SLC24A2: variants seen among roughly 807,000 people sequenced by gnomAD.
SLC24A2 encodes solute carrier family 24 member 2.
SLC24A2 carries 36 observed loss-of-function variants against 62.0 expected under a neutral mutation model. The ratio of observed to expected loss-of-function variants is 0.58; its 90% CI spans 0.44 to 0.77. The LOEUF is 0.77. Among genes scored for constraint, SLC24A2 ranks in the 30% least tolerant of loss-of-function variants. The probability of loss-of-function intolerance (pLI) is 0.00; values close to 1 mark genes in which losing one functional copy is unlikely to be tolerated. For synonymous variants in SLC24A2, 358 were observed against 294.0 expected, an observed-to-expected ratio of 1.22 and a Z score of -2.23; for missense variants, 846 against 817.9, an observed-to-expected ratio of 1.03 and a Z score of -0.42.
chr9:19,625,303 A>G (rs956271810), intron 2 of SLC24A2, among the ~76,000 whole-genome samples: 1 of 152,154 alleles, frequency 6.6e-6, no homozygotes, highest in African/African-American at 2.4e-5. Context: ...CTATAAATAA[A>G]TAAATAAATA....
chr9:19,690,419 T>C (rs748076651), intron 2 of SLC24A2, among the ~76,000 whole-genome samples: 27 of 152,196 alleles, frequency 1.8e-4, no homozygotes, highest in Non-Finnish European at 2.9e-4. Flanking sequence ...TGACTCAAAC[T>C]GGTGAAATGC....
chr9:19,535,857 C>T (rs199913625), intron 8 of SLC24A2, among the ~76,000 whole-genome samples: 4 of 152,012 alleles, frequency 2.6e-5, no homozygotes, highest in African/African-American at 9.7e-5. Flanking sequence ...AACTTTAAAG[C>T]AGTTTTTCCA....
intron 2 of SLC24A2, among the ~76,000 whole-genome samples, chr9:19,778,840 G>T (rs1822923128): frequency 6.6e-6 from 1 of 152,032 alleles, no homozygotes; most frequent in South Asian, 2.1e-4. Context: ...GACCCACAAA[G>T]ATATTGCCAC....
At chr9:20,036,266 G>A in the SLC24A2 span, among the ~76,000 whole-genome samples, 116 of 152,150 alleles carry the variant, frequency 7.6e-4, no homozygotes, top group African/African-American at 2.5e-3. Context: ...TTAATATAAT[G>A]TAGAATAATT....
the SLC24A2 span, among the ~76,000 whole-genome samples, chr9:20,103,401 G>A: frequency 1.8e-4 from 27 of 152,288 alleles, no homozygotes; most frequent in South Asian, 1.2e-3. Flanking sequence ...CTCCTCAAGT[G>A]GGTCCCTGAC....
chr9:19,675,695 C>T (rs1331686555), intron 2 of SLC24A2, among the ~76,000 whole-genome samples: 2 of 152,168 alleles, frequency 1.3e-5, no homozygotes, highest in Non-Finnish European at 2.9e-5. Context: ...ATCAGTCTCG[C>T]TCCTACCGTG....
At chr9:19,704,749 T>C (rs1587184353) in intron 2 of SLC24A2, among the ~76,000 whole-genome samples, 1 of 151,958 alleles carries the variant, frequency 6.6e-6, no homozygotes, top group Non-Finnish European at 1.5e-5. Context: ...AGGAGGTCTG[T>C]GTAACCTTCA....
intron 2 of SLC24A2, among the ~76,000 whole-genome samples, chr9:19,709,175 C>G (rs1443733424): frequency 6.6e-6 from 1 of 151,990 alleles, no homozygotes; most frequent in Non-Finnish European, 1.5e-5. Context: ...CACTGGCCAT[C>G]AGAGAAATGC....
At chr9:20,251,452 A>G in the SLC24A2 span, among the ~76,000 whole-genome samples, 1 of 152,244 alleles carries the variant, frequency 6.6e-6, no homozygotes, top group Non-Finnish European at 1.5e-5. Flanking sequence ...ACTTTCTCTA[A>G]GTAGGGAGGC....
At chr9:20,051,621 C>G in the SLC24A2 span, among the ~76,000 whole-genome samples, 988 of 109,690 alleles carry the variant, frequency 9.0e-3, 8 homozygotes, top group Non-Finnish European at 0.011. Context: ...CATTCTCTAT[C>G]TTTGTTACTG....
At chr9:20,106,167 A>G in the SLC24A2 span, among the ~76,000 whole-genome samples, 3 of 152,232 alleles carry the variant, frequency 2.0e-5, no homozygotes, top group Non-Finnish European at 2.9e-5. Flanking sequence ...GAATCTCTGA[A>G]TAGACCAATA....
the SLC24A2 span, among the ~76,000 whole-genome samples, chr9:20,024,396 T>C: frequency 6.6e-6 from 1 of 152,286 alleles, no homozygotes; most frequent in South Asian, 2.1e-4. Context: ...AATAGAAATG[T>C]GAACTTTATT....
Position 19,507,919 on chromosome 9 carries a change from A to G in SLC24A2, c.*8234T>C, listed in dbSNP as rs1394478767. 1.3e-5 allele frequency: 2 copies of G among 152,254 alleles called. No homozygotes were observed. The highest frequency in any genetic ancestry group is 2.9e-5 in the Non-Finnish European group (2 of 68,050). The allele number at this position is 152,254 out of a possible 1,614,324, so 9.4% of individuals were successfully genotyped here. A position where few individuals can be genotyped will look rare whatever the true frequency, so the allele number is the denominator to read the frequency against. ...CAAAAATGGCATTCTGATATTTTTA[A>G]CATAACCTGTCTAAAAGACAGTTTA... On this transcript the variant is annotated 3_prime_UTR_variant, in exon 11 of 11. Coordinates refer to ENST00000341998, the MANE Select transcript of SLC24A2 (RefSeq NM_020344.4).
At chr9:20,252,153 C>G in the SLC24A2 span, among the ~76,000 whole-genome samples, 1 of 152,188 alleles carries the variant, frequency 6.6e-6, no homozygotes, top group Non-Finnish European at 1.5e-5. Flanking sequence ...TGAAAGTAGA[C>G]TGCTATGGAC....
At chr9:20,068,992 G>A in the SLC24A2 span, among the ~76,000 whole-genome samples, 25 of 152,108 alleles carry the variant, frequency 1.6e-4, no homozygotes, top group African/African-American at 4.3e-4. Flanking sequence ...TATCCCAAGA[G>A]TGCAAGAAAC....
chr9:19,629,291 CT>C (rs1818117422), intron 2 of SLC24A2, among the ~76,000 whole-genome samples: 1 of 152,134 alleles, frequency 6.6e-6, no homozygotes, highest in African/African-American at 2.4e-5. Context: ...GACAATACAA[CT>C]TCAAATATAG....
chr9:19,522,946 CTG>C (rs1833269765), intron 9 of SLC24A2, among the ~76,000 whole-genome samples: 1 of 152,188 alleles, frequency 6.6e-6, no homozygotes, highest in South Asian at 2.1e-4. Context: ...GACTAAACAA[CTG>C]TTACTGTCGG....
At position 19,636,303 on chromosome 9, in the gene SLC24A2, T is replaced by TTTCCTTTC. The variant is rs1564009533; in HGVS notation, c.931-14005_931-14004insGAAAGGAA. Among the ~76,000 whole-genome samples, 16 of 43,750 alleles carry TTTCCTTTC rather than the reference T, an allele frequency of 3.7e-4. 1 individual carries two copies. The highest frequency in any genetic ancestry group is 1.4e-3 in the African/African-American group (15 of 10,932). The allele number at this position is 43,750 out of a possible 152,430, so 28.7% of individuals were successfully genotyped here. A position where few individuals can be genotyped will look rare whatever the true frequency, so the allele number is the denominator to read the frequency against. On this transcript the variant is annotated intron_variant, in intron 2 of 10. Coordinates refer to ENST00000341998, the MANE Select transcript of SLC24A2 (RefSeq NM_020344.4). ...CTTCTTCTCTTCTTTTCTTTTCTTT[T>TTTCCTTTC]CTTTTCTTTTCTTTTCTTTCTTTCT...
the SLC24A2 span, chr9:19,929,278 C>T: frequency 3.9e-5 from 6 of 152,154 alleles, no homozygotes; most frequent in Non-Finnish European, 5.9e-5. Flanking sequence ...CTCTGGCAGC[C>T]GGAAGTCCAA....
Sources: allele counts gnomAD v4.1 joint callset (sites outside exome capture counted in the v4.1 genomes callset), GRCh38; gene constraint gnomAD v4.1.1; transcripts MANE v1.5; gene names NCBI Gene and HGNC (gene_info 2026-07-23, HGNC 2026-07-21).